Variants in PLD1 observed in about 807,000 individuals in gnomAD.
PLD1 encodes choline phosphatase 1.
Under a neutral mutation model 137.1 loss-of-function variants are expected in PLD1, and 112 were observed. The ratio of observed to expected loss-of-function variants is 0.82; its 90% CI spans 0.70 to 0.96. The LOEUF (loss-of-function observed/expected upper bound fraction) is 0.96. Ranked by LOEUF, PLD1 falls within the 40% of genes least tolerant of loss-of-function variation. The pLI, the probability that PLD1 is intolerant of heterozygous loss-of-function variation, is 0.00. For synonymous variants in PLD1, 431 were observed against 454.7 expected (o/e 0.95, Z 0.66); for missense variants, 1,321 against 1,342.0 (o/e 0.98, Z 0.24).
rs869115087 is a variant in PLD1, at chr3:171,620,742, CTATATA to C, written c.2594-228_2594-223del. Among the ~76,000 whole-genome samples, 801 of 94,722 alleles carry C rather than the reference CTATATA, an allele frequency of 8.5e-3. 14 individuals are homozygous for C. The highest frequency in any genetic ancestry group is 0.03 in the African/African-American group (706 of 23,338). 62.1% of individuals were successfully genotyped at this position (94,722 alleles called of 152,430 possible). On this transcript the variant is annotated intron_variant, in intron 23 of 26. Coordinates refer to ENST00000351298, the MANE Select transcript of PLD1 (RefSeq NM_002662.5). ...TTTCTCTCTCTCTCTCTCTCTCTCT[CTATATA>C]TATATATATATATATATATATTATA...
chr3:171,797,820 T>C (rs1161466836), intron 1 of PLD1, among the ~76,000 whole-genome samples: 1 of 152,226 alleles, frequency 6.6e-6, no homozygotes, highest in African/African-American at 2.4e-5. Flanking sequence ...CTGACTGAAG[T>C]TGGCTAAATT....
chr3:171,673,587 C>A (rs1459339682), intron 19 of PLD1, among the ~76,000 whole-genome samples: 1 of 152,098 alleles, frequency 6.6e-6, no homozygotes, highest in Non-Finnish European at 1.5e-5. Context: ...AAAAAAAGTT[C>A]TATTATTTGA....
chr3:171,674,522 C>T lies in PLD1; in HGVS notation c.2207G>A (p.Gly736Glu). ...TAHELRYQVP[G>E]SVHANVQLLR... ...TACCTGTACGTTAGCATGGACAGAC[C>T]CAGGCACTTGATATCTCAACTCATG... is the stretch of plus-strand genomic sequence containing the variant. Residue 736 changes from glycine (G) to glutamate (E), a missense_variant, in exon 19 of 27, where the codon GGG becomes GAG. By Grantham distance (98) the Gly-to-Glu change is moderately conservative. Transcript: ENST00000351298. 6.2e-7 allele frequency: 1 copy of T among 1,603,674 alleles called. No homozygotes were observed. The highest frequency in any genetic ancestry group is 8.5e-7 in the Non-Finnish European group (1 of 1,171,236).
chr3:171,665,626 G>A (rs1712040392), intron 19 of PLD1, among the ~76,000 whole-genome samples: 1 of 152,014 alleles, frequency 6.6e-6, no homozygotes, highest in South Asian at 2.1e-4. Context: ...CTTGAACCCA[G>A]GAGGCGGAGG....
intron 1 of PLD1, among the ~76,000 whole-genome samples, chr3:171,788,302 G>A (rs1366099227): frequency 1.4e-5 from 2 of 138,842 alleles, no homozygotes; most frequent in East Asian, 2.1e-4. Flanking sequence ...TTCTGGGCTG[G>A]TAAACTGATG....
Position 171,654,662 on chromosome 3 carries a change from T to C in PLD1, c.2429+4551A>G, listed in dbSNP as rs554191910. On this transcript the variant is annotated intron_variant, in intron 21 of 26. Transcript: ENST00000351298. ...CAAACATGGCATAAAACAGTAAATT[T>C]TAGACTGTGGATTATGATTTTTTTT... 3.9e-5 allele frequency among the ~76,000 whole-genome samples: 6 copies of C among 152,334 alleles called. No individual in the cohort carries two copies. The South Asian group carries it at 1.2e-3, about 32-fold the overall frequency.
chr3:171,779,379 G>A (rs1722702210), intron 1 of PLD1, among the ~76,000 whole-genome samples: 1 of 152,108 alleles, frequency 6.6e-6, no homozygotes, highest in Non-Finnish European at 1.5e-5. Context: ...AAAGAGAGGT[G>A]TCAAGGAAGA....
At chr3:171,807,525 T>G (rs1438804663) in intron 1 of PLD1, among the ~76,000 whole-genome samples, 1 of 152,200 alleles carries the variant, frequency 6.6e-6, no homozygotes, top group Non-Finnish European at 1.5e-5. Flanking sequence ...ATGGTAAATT[T>G]TATGTTGTAC....
At chr3:171,764,378 T>C (rs1346483108) in intron 1 of PLD1, among the ~76,000 whole-genome samples, 1 of 152,336 alleles carries the variant, frequency 6.6e-6, no homozygotes, top group Admixed American at 6.5e-5. Flanking sequence ...TTCATTTAAT[T>C]CTTACAAGAA....
chr3:171,747,741 A>G (rs1459317291), intron 1 of PLD1, among the ~76,000 whole-genome samples: 1 of 152,164 alleles, frequency 6.6e-6, no homozygotes, highest in East Asian at 1.9e-4. Context: ...CATTAACTCA[A>G]TCTGTCCTTA....
chr3:171,724,647 T>C, intron 8 of PLD1, 49 bp downstream of exon 8: 1 of 1,041,534 alleles, frequency 9.6e-7, no homozygotes, highest in Non-Finnish European at 1.5e-6. Context: ...CTAGCCCAAA[T>C]ACCCAGTGTA....
At chr3:171,730,172 G>A (rs970792829) in intron 6 of PLD1, among the ~76,000 whole-genome samples, 1 of 152,120 alleles carries the variant, frequency 6.6e-6, no homozygotes, top group Non-Finnish European at 1.5e-5. Flanking sequence ...CTCTACTACA[G>A]CCAGCACTAA....
At chr3:171,770,924 A>AGGGG (rs1722310918) in intron 1 of PLD1, among the ~76,000 whole-genome samples, 1 of 149,380 alleles carries the variant, frequency 6.7e-6, no homozygotes, top group Non-Finnish European at 1.5e-5. Flanking sequence ...GGGCGGGGGC[A>AGGGG]GGGCTGATAT....
chr3:171,746,025 CG>C (rs1045366152), intron 1 of PLD1, among the ~76,000 whole-genome samples: 1 of 151,872 alleles, frequency 6.6e-6, no homozygotes, highest in Non-Finnish European at 1.5e-5. Flanking sequence ...GGCTTAGCAC[CG>C]GGCAAGCAGT....
Position 171,632,132 on chromosome 3 carries a change from C to T in PLD1, c.2593+10708G>A, listed in dbSNP as rs115277573. ...TTACCGTAAGAACACAACCTCACTT[C>T]TGTGATACTGCTCCAAAAAAGCATA... On this transcript the variant is annotated intron_variant, in intron 23 of 26. Transcript: ENST00000351298. 4.3e-3 allele frequency among the ~76,000 whole-genome samples: 658 copies of T among 152,212 alleles called. 1 individual carries two copies. Among genetic ancestry groups the T allele is most frequent in the Middle Eastern group, 0.01 (3 of 294 alleles).
At chr3:171,604,820 A>G (rs1285137600) in intron 26 of PLD1, among the ~76,000 whole-genome samples, 3 of 152,240 alleles carry the variant, frequency 2.0e-5, no homozygotes, top group Non-Finnish European at 4.4e-5. Flanking sequence ...AAAACCATTC[A>G]CTAGACTATT....
rs1210116204 is a variant in PLD1 at position 171,688,891 on chromosome 3, A to T, written c.1339-15T>A. On this transcript the variant is annotated splice_polypyrimidine_tract_variant and intron_variant, in intron 13 of 26. Coordinates refer to ENST00000351298, the MANE Select transcript of PLD1 (RefSeq NM_002662.5). ...TGTCTCATCACCTTGAGAGGGAATA[A>T]TCCCCACTGATAATATGCTTTTGAA... 6.3e-7 allele frequency: 1 copy of T among 1,588,664 alleles called. No individual in the cohort carries two copies. The highest frequency in any genetic ancestry group is 8.6e-7 in the Non-Finnish European group (1 of 1,157,368).
At chr3:171,619,576 G>T (rs375774937) in intron 24 of PLD1, among the ~76,000 whole-genome samples, 3 of 152,246 alleles carry the variant, frequency 2.0e-5, no homozygotes, top group South Asian at 4.1e-4. Flanking sequence ...TGGAAAACAT[G>T]CATGTTAGGA....
intron 21 of PLD1, among the ~76,000 whole-genome samples, chr3:171,646,967 G>A (rs1257822924): frequency 1.3e-5 from 2 of 152,098 alleles, no homozygotes; most frequent in African/African-American, 4.8e-5. Context: ...CACCTTATTG[G>A]CTATTTCCTC....
Sources: gnomAD v4.1 joint callset for allele counts (sites outside exome capture counted in the v4.1 genomes callset) on GRCh38, gnomAD v4.1.1 for gene constraint, MANE v1.5 for transcripts, NCBI Gene and HGNC (gene_info 2026-07-23, HGNC 2026-07-21) for gene names.